The following CACNA2D3 variants were observed in gnomAD, a reference collection of about 807,000 sequenced individuals.
CACNA2D3 encodes calcium voltage-gated channel auxiliary subunit alpha2delta 3, also known as voltage-dependent calcium channel subunit alpha-2/delta-3.
CACNA2D3 carries 60 observed loss-of-function variants against 160.6 expected under a neutral mutation model. That is an observed-to-expected ratio of 0.37 (90% CI 0.30 to 0.46). The LOEUF is 0.46. CACNA2D3 is among the 20% of genes least tolerant of loss of function. The pLI, the probability that CACNA2D3 is intolerant of heterozygous loss-of-function variation, is 1.00. For missense variants in CACNA2D3, 1,205 were observed against 1,365.0 expected (o/e 0.88, Z 1.85); for synonymous variants, 558 against 492.9 (o/e 1.13, Z -1.75).
At chr3:54,367,871 G>T (rs1698853758) in intron 3 of CACNA2D3, among the ~76,000 whole-genome samples, 2 of 152,238 alleles carry the variant, frequency 1.3e-5, no homozygotes, top group Non-Finnish European at 1.5e-5. Context: ...GCATGGCCTA[G>T]AGCCTTGCCC....
intron 11 of CACNA2D3, among the ~76,000 whole-genome samples, chr3:54,667,973 T>C (rs1481005166): frequency 6.6e-6 from 1 of 151,770 alleles, no homozygotes; most frequent in African/African-American, 2.4e-5. Flanking sequence ...TCAAAATAGA[T>C]ATTTTTATAT....
chr3:55,006,451 A>T (rs1037625520), intron 32 of CACNA2D3, among the ~76,000 whole-genome samples: 1 of 152,166 alleles, frequency 6.6e-6, no homozygotes, highest in African/African-American at 2.4e-5. Flanking sequence ...ATCGTCCCAT[A>T]GTCTGACCAG....
chr3:54,931,102 A>G (rs1388353517), intron 27 of CACNA2D3, among the ~76,000 whole-genome samples: 2 of 152,076 alleles, frequency 1.3e-5, no homozygotes, highest in Non-Finnish European at 1.5e-5. Flanking sequence ...TCTCAAAACA[A>G]AACAAAAAAC....
chr3:54,729,145 T>A (rs1242124894), intron 11 of CACNA2D3, among the ~76,000 whole-genome samples: 2 of 152,114 alleles, frequency 1.3e-5, no homozygotes, highest in African/African-American at 4.8e-5. Context: ...GATCTCTAAC[T>A]CCTGGCCTCA....
At chr3:54,871,670 C>T (rs776140946) in intron 18 of CACNA2D3, 48 bp downstream of exon 18, 21 of 1,429,086 alleles carry the variant, frequency 1.5e-5, no homozygotes, top group Non-Finnish European at 2.1e-5. Flanking sequence ...TGCATTGTAC[C>T]CACTTCTGTA....
intron 3 of CACNA2D3, among the ~76,000 whole-genome samples, chr3:54,333,560 A>C (rs1188006703): frequency 6.6e-6 from 1 of 151,580 alleles, no homozygotes. Context: ...CTTCCAGCCA[A>C]ATGCGCTCTG....
chr3:54,506,943 G>A (rs1055759544), intron 5 of CACNA2D3, among the ~76,000 whole-genome samples: 1 of 152,146 alleles, frequency 6.6e-6, no homozygotes, highest in Non-Finnish European at 1.5e-5. Context: ...TTTCTCAACT[G>A]AAGTGCTGTA....
At chr3:54,522,627 T>C (rs368986106) in intron 5 of CACNA2D3, among the ~76,000 whole-genome samples, 4 of 152,178 alleles carry the variant, frequency 2.6e-5, no homozygotes, top group East Asian at 3.9e-4. Context: ...GATCATGTCA[T>C]TGGCATGCAA....
At chr3:55,007,668 G>GT (rs1703126414) in intron 32 of CACNA2D3, 122 bp from the exon 33 acceptor site, 2 of 659,698 alleles carry the variant, frequency 3.0e-6, no homozygotes, top group East Asian at 3.2e-5. Flanking sequence ...GAACGCCACT[G>GT]TTTTTTAACA....
Position 54,298,769 on chromosome 3 carries a change from C to T in CACNA2D3, c.205-21673C>T, listed in dbSNP as rs149801908. 2.1e-3 allele frequency among the ~76,000 whole-genome samples: 321 copies of T among 151,978 alleles called. 4 individuals are homozygous for T. The highest frequency in any genetic ancestry group is 7.2e-3 in the African/African-American group (297 of 41,452). ...GCTGCAGTGAGCCGTGATCATGCCA[C>T]TGCACTCTGGCCTAGAAGGAAAGTG... On this transcript the variant is annotated intron_variant, in intron 2 of 37. Transcript: ENST00000474759.
At chr3:54,911,351 C>CTTTTTTTTTTTTTTTTTTTTTTTT (rs58289082) in intron 27 of CACNA2D3, among the ~76,000 whole-genome samples, 1 of 58,584 alleles carries the variant, frequency 1.7e-5, no homozygotes, top group Admixed American at 3.1e-4. Context: ...TCTTTGTCGT[C>CTTTTTTTTTTTTTTTTTTTTTTTT]TTTTTTTTTT....
chr3:54,278,619 T>C (rs1702797822), intron 2 of CACNA2D3, among the ~76,000 whole-genome samples: 1 of 151,998 alleles, frequency 6.6e-6, no homozygotes, highest in African/African-American at 2.4e-5. Context: ...ATAAAGAAAA[T>C]GTGGCACATA....
chr3:54,860,005 C>CAA (rs1699256039), intron 17 of CACNA2D3, among the ~76,000 whole-genome samples: 1 of 151,680 alleles, frequency 6.6e-6, no homozygotes. Context: ...CACACACACA[C>CAA]ACACACACAA....
At chr3:54,685,749 TTGTTCATAGAGA>T (rs1398102756) in intron 11 of CACNA2D3, among the ~76,000 whole-genome samples, 8 of 152,232 alleles carry the variant, frequency 5.3e-5, no homozygotes, top group Admixed American at 5.2e-4. Flanking sequence ...GGAAGACTTC[TTGTTCATAGAGA>T]CCACCCCTGG....
At chr3:54,643,599 A>T (rs944089321) in intron 11 of CACNA2D3, among the ~76,000 whole-genome samples, 8 of 152,254 alleles carry the variant, frequency 5.3e-5, no homozygotes, top group African/African-American at 1.9e-4. Context: ...AAGTAGATGG[A>T]GGTTCACTCT....
At chr3:54,273,381 T>C (rs922825720) in intron 2 of CACNA2D3, among the ~76,000 whole-genome samples, 1 of 152,182 alleles carries the variant, frequency 6.6e-6, no homozygotes, top group African/African-American at 2.4e-5. Flanking sequence ...TGTCTGTCTG[T>C]CTCTCTCACG....
chr3:54,600,434 T>C (rs1703039860), intron 9 of CACNA2D3, among the ~76,000 whole-genome samples: 2 of 152,174 alleles, frequency 1.3e-5, no homozygotes, highest in South Asian at 4.1e-4. Flanking sequence ...CTTTCGTGGG[T>C]ATTTGCTACA....
chr3:54,727,717 T>C (rs1234462674), intron 11 of CACNA2D3, among the ~76,000 whole-genome samples: 1 of 152,068 alleles, frequency 6.6e-6, no homozygotes, highest in Non-Finnish European at 1.5e-5. Flanking sequence ...TGAAAACACA[T>C]GGGCATGAGG....
At chr3:54,801,449 A>G (rs1233340481) in intron 13 of CACNA2D3, among the ~76,000 whole-genome samples, 1 of 152,206 alleles carries the variant, frequency 6.6e-6, no homozygotes, top group Non-Finnish European at 1.5e-5. Flanking sequence ...CTTCTTGAAA[A>G]GTTGAGAGGG....
Sources: allele counts gnomAD v4.1 joint callset (sites outside exome capture counted in the v4.1 genomes callset), GRCh38; gene constraint gnomAD v4.1.1; transcripts MANE v1.5; gene names NCBI Gene and HGNC (gene_info 2026-07-23, HGNC 2026-07-21).